RAPGEF5: variants seen among roughly 807,000 people sequenced by gnomAD.
RAPGEF5 encodes Rap guanine nucleotide exchange factor 5.
Under a neutral mutation model 125.2 loss-of-function variants are expected in RAPGEF5, and 65 were observed. The observed-to-expected ratio is 0.52, with a 90% CI of 0.43 to 0.64. RAPGEF5 has a LOEUF of 0.64. RAPGEF5 is among the 30% of genes least tolerant of loss of function. The pLI is 0.00. For missense variants in RAPGEF5, 958 were observed against 1,048.1 expected, an observed-to-expected ratio of 0.91 and a Z score of 1.19; for synonymous variants, 391 against 385.9, an observed-to-expected ratio of 1.01 and a Z score of -0.16.
chr7:22,178,671 G>A (rs6965039), intron 11 of RAPGEF5, among the ~76,000 whole-genome samples: 2,594 of 152,306 alleles, frequency 0.017, 74 homozygotes, highest in African/African-American at 0.059. Flanking sequence ...TTTCCGTGGG[G>A]TTTGGGTTCA....
At chr7:22,174,012 C>T (rs189520899) in intron 11 of RAPGEF5, among the ~76,000 whole-genome samples, 259 of 152,256 alleles carry the variant, frequency 1.7e-3, no homozygotes, top group Non-Finnish European at 2.9e-3. Flanking sequence ...AGTCCTTAAT[C>T]TCTCTAGGCC....
At chr7:22,262,290 G>C (rs963574447) in intron 7 of RAPGEF5, among the ~76,000 whole-genome samples, 3 of 152,088 alleles carry the variant, frequency 2.0e-5, no homozygotes, top group African/African-American at 7.2e-5. Context: ...ACAACATCCA[G>C]ATGGCAAATA....
intron 11 of RAPGEF5, among the ~76,000 whole-genome samples, chr7:22,180,958 C>T (rs895628521): frequency 1.3e-5 from 2 of 152,150 alleles, no homozygotes; most frequent in Admixed American, 1.3e-4. Context: ...CTATGCCAAT[C>T]AGCATTGGCA....
intron 11 of RAPGEF5, among the ~76,000 whole-genome samples, chr7:22,173,204 G>A (rs1456462314): frequency 6.6e-6 from 1 of 152,154 alleles, no homozygotes; most frequent in Non-Finnish European, 1.5e-5. Flanking sequence ...AATGTACCAT[G>A]TAATTTGATT....
At chr7:22,315,572 TATATATTC>T in intron 2 of RAPGEF5, 96 bp from the exon 3 acceptor site, 1 of 634,002 alleles carries the variant, frequency 1.6e-6, no homozygotes. Flanking sequence ...TATATATTTA[TATATATTC>T]ATATATTTAT....
chr7:22,351,044 C>G (rs1425533232), intron 1 of RAPGEF5, among the ~76,000 whole-genome samples: 1 of 152,186 alleles, frequency 6.6e-6, no homozygotes, highest in Non-Finnish European at 1.5e-5. Flanking sequence ...ACAAAGTAAG[C>G]TGGGTGAATT....
chr7:22,144,843 T>C (rs1366989675), intron 20 of RAPGEF5, among the ~76,000 whole-genome samples: 1 of 152,250 alleles, frequency 6.6e-6, no homozygotes, highest in Admixed American at 6.5e-5. Flanking sequence ...GTCTGATATT[T>C]TGACATTTAC....
chr7:22,126,534 G>C (rs1280785134), intron 24 of RAPGEF5, among the ~76,000 whole-genome samples: 2 of 152,204 alleles, frequency 1.3e-5, no homozygotes, highest in Non-Finnish European at 2.9e-5. Flanking sequence ...AATTCTTGTA[G>C]ATTCAAAGGT....
At chr7:22,290,793 T>C (rs992215605) in intron 6 of RAPGEF5, among the ~76,000 whole-genome samples, 6 of 151,682 alleles carry the variant, frequency 4.0e-5, no homozygotes, top group Non-Finnish European at 8.8e-5. Flanking sequence ...ATATGGTACA[T>C]TAAAAACTAG....
At chr7:22,284,066 G>GCT (rs963991941) in intron 6 of RAPGEF5, among the ~76,000 whole-genome samples, 2 of 96,862 alleles carry the variant, frequency 2.1e-5, no homozygotes, top group African/African-American at 1.1e-4. Context: ...ATTTTAAAAA[G>GCT]CTGTGTGTGT....
At chr7:22,291,310 A>G in intron 5 of RAPGEF5, 69 bp from the exon 6 acceptor site, 1 of 1,485,368 alleles carries the variant, frequency 6.7e-7, no homozygotes, top group Non-Finnish European at 8.9e-7. Context: ...CAAGTTAGGA[A>G]GAATAAAGGG....
intron 1 of RAPGEF5, among the ~76,000 whole-genome samples, chr7:22,354,638 T>C (rs752385478): frequency 5.9e-5 from 9 of 152,112 alleles, no homozygotes; most frequent in Non-Finnish European, 1.5e-5. Flanking sequence ...TGATAATTAT[T>C]TAGGGTTAGA....
intron 11 of RAPGEF5, among the ~76,000 whole-genome samples, chr7:22,184,170 T>C (rs1398503313): frequency 6.6e-6 from 1 of 152,360 alleles, no homozygotes; most frequent in Admixed American, 6.5e-5. Flanking sequence ...AATGTCTTAT[T>C]TTCTAGTTTA....
intron 9 of RAPGEF5, among the ~76,000 whole-genome samples, chr7:22,213,573 G>C (rs868849804): frequency 6.6e-6 from 1 of 152,094 alleles, no homozygotes. Flanking sequence ...ATTAAAAATG[G>C]ACTATAATAA....
intron 9 of RAPGEF5, among the ~76,000 whole-genome samples, chr7:22,213,275 T>A (rs1304603991): frequency 2.0e-5 from 3 of 152,224 alleles, no homozygotes; most frequent in Non-Finnish European, 2.9e-5. Context: ...AGTTAACTGC[T>A]ATTTTTCTGG....
intron 1 of RAPGEF5, among the ~76,000 whole-genome samples, chr7:22,332,216 C>T (rs908768902): frequency 6.6e-6 from 1 of 152,122 alleles, no homozygotes; most frequent in African/African-American, 2.4e-5. Flanking sequence ...TAAAGCCTCC[C>T]GGTTGAAGGT....
At chr7:22,200,716 A>T (rs1365608608) in intron 9 of RAPGEF5, among the ~76,000 whole-genome samples, 1 of 152,202 alleles carries the variant, frequency 6.6e-6, no homozygotes, top group East Asian at 1.9e-4. Context: ...TACTAGAGAA[A>T]AACTGTATGT....
intron 9 of RAPGEF5, among the ~76,000 whole-genome samples, chr7:22,203,773 C>T (rs754082676): frequency 2.0e-5 from 3 of 152,166 alleles, no homozygotes; most frequent in Non-Finnish European, 4.4e-5. Context: ...CTCAGCAGTG[C>T]CTCAGTTCCC....
intron 1 of RAPGEF5, among the ~76,000 whole-genome samples, chr7:22,345,696 CTTTTTTT>C (rs60654602): frequency 1.9e-5 from 2 of 106,680 alleles, no homozygotes; most frequent in Admixed American, 1.9e-4. Context: ...GTCTAGGCAG[CTTTTTTT>C]TTTTTTTTTT....
Sources: allele counts gnomAD v4.1 joint callset (sites outside exome capture counted in the v4.1 genomes callset), GRCh38; gene constraint gnomAD v4.1.1; transcripts MANE v1.5; gene names NCBI Gene and HGNC (gene_info 2026-07-23, HGNC 2026-07-21).